The following MX2 variants were observed in gnomAD, a reference collection of about 807,000 sequenced individuals.
MX2 encodes the protein interferon-induced GTP-binding protein Mx2.
In MX2, 51 loss-of-function variants were observed where a neutral mutation model predicts 74.0. The ratio of observed to expected loss-of-function variants is 0.69; its 90% CI spans 0.55 to 0.87. The LOEUF (loss-of-function observed/expected upper bound fraction) is 0.87, where lower values mean the gene tolerates loss of function less well. Ranked by LOEUF, MX2 falls within the 40% of genes least tolerant of loss-of-function variation. MX2 has a pLI of 0.00. For missense variants in MX2, 832 were observed against 908.7 expected, an observed-to-expected ratio of 0.92 and a Z score of 1.09; for synonymous variants, 369 against 339.3, an observed-to-expected ratio of 1.09 and a Z score of -0.96.
At chr21:41,390,783 A>G in intron 6 of MX2, 80 bp downstream of exon 6, 1 of 1,494,948 alleles carries the variant, frequency 6.7e-7, no homozygotes, top group Non-Finnish European at 9.2e-7. Context: ...AGACGGGCGG[A>G]TCACGAGGTC....
Position 41,368,251 on chromosome 21 carries a change from G to A in MX2, c.-72+6196G>A, listed in dbSNP as rs1601389349. On this transcript the variant is annotated intron_variant, in intron 1 of 13. Coordinates refer to ENST00000330714, the MANE Select transcript of MX2 (RefSeq NM_002463.2). This position sits in a 1 kb window ranked among gnomAD's most constrained non-coding sequence, Gnocchi z 4.6. ...TCCATGTGTCACCCGGCTCTTCCGTGTCGTCTCCGTGAGCCTGCAGGGGCA... is the reference window on the plus strand; with the variant it reads ...TCCATGTGTCACCCGGCTCTTCCGTATCGTCTCCGTGAGCCTGCAGGGGCA... 1.3e-5 allele frequency among the ~76,000 whole-genome samples: 2 copies of A among 152,108 alleles called. No homozygotes were observed. The highest frequency in any genetic ancestry group is 6.5e-5 in the Admixed American group (1 of 15,272).
chr21:41,401,888 A>G, intron 10 of MX2, 82 bp from the exon 11 acceptor site: 6 of 1,494,730 alleles, frequency 4.0e-6, no homozygotes, highest in African/African-American at 1.4e-5. Flanking sequence ...AGTGGGGAGC[A>G]AGACTTTATA....
chr21:41,375,580 C>CT (rs1206731686), intron 1 of MX2, among the ~76,000 whole-genome samples: 1 of 152,256 alleles, frequency 6.6e-6, no homozygotes, highest in Admixed American at 6.5e-5. Flanking sequence ...GTCTCTGCCT[C>CT]TGTCTTCACA....
At chr21:41,392,299 C>T (rs1311225963) in intron 6 of MX2, among the ~76,000 whole-genome samples, 1 of 152,158 alleles carries the variant, frequency 6.6e-6, no homozygotes, top group African/African-American at 2.4e-5. Context: ...ATAAATAAAA[C>T]GTGGCATATA....
rs1181045996 is a variant in MX2 at position 41,363,210 on chromosome 21, A to T, written c.-72+1155A>T. 1.3e-5 allele frequency: 2 copies of T among 151,878 alleles called. No individual in the cohort carries two copies. The highest frequency in any genetic ancestry group is 2.9e-5 in the Non-Finnish European group (2 of 67,972). The allele number at this position is 151,878 out of a possible 1,614,324, so 9.4% of individuals were successfully genotyped here. ...CTTCCCAGCCCCGCGCCAACCCCTG[A>T]AGCACTTTTGACTCCCTTCGGATGT... On this transcript the variant is annotated intron_variant, in intron 1 of 13. Coordinates refer to ENST00000330714, the MANE Select transcript of MX2 (RefSeq NM_002463.2). This position sits in a 1 kb window ranked among gnomAD's most constrained non-coding sequence, Gnocchi z 4.2.
At chr21:41,383,791 A>G (rs1050912798) in intron 5 of MX2, among the ~76,000 whole-genome samples, 8 of 152,204 alleles carry the variant, frequency 5.3e-5, no homozygotes, top group Non-Finnish European at 7.3e-5. Flanking sequence ...GAGCAGGGAA[A>G]TTAGCTCGTA....
rs541749025 is a variant in MX2 at position 41,402,250 on chromosome 21, T to C, written c.1573+122T>C. The C allele has an allele frequency of 5.2e-6, 6 of 1,151,724 alleles. No homozygotes were observed. The Admixed American group carries it at 1.7e-4, about 32-fold the overall frequency. 71.3% of individuals were successfully genotyped at this position (1,151,724 alleles called of 1,614,324 possible). On this transcript the variant is annotated intron_variant, in intron 11 of 13. Coordinates refer to ENST00000330714, the MANE Select transcript of MX2 (RefSeq NM_002463.2). The surrounding 1 kb of genome is among the most constrained non-coding windows in gnomAD (Gnocchi z 4.5). ...CAGCCTGCAGACACGCTCACTGGTG[T>C]GCTAGATTGCTACTCTGTGTGGTCT...
intron 10 of MX2, chr21:41,401,685 G>GT (rs5844074): frequency 0.76 from 145,739 of 190,738 alleles, 53,722 homozygotes; most frequent in Admixed American, 0.84. Context: ...TTCTAATCAG[G>GT]TTTTTTTTTT....
In MX2 at chr21:41,380,235, C is replaced by A; in HGVS notation, c.577+84C>A. On this transcript the variant is annotated intron_variant, in intron 4 of 13. Coordinates refer to ENST00000330714, the MANE Select transcript of MX2 (RefSeq NM_002463.2). This position sits in a 1 kb window ranked among gnomAD's most constrained non-coding sequence, Gnocchi z 4.3. ...TCCTTCTCCTCTTCCTCAAGTCACCCCCACAGTGACCACTCAGCTCCTAGC... is the reference window on the plus strand; with the variant it reads ...TCCTTCTCCTCTTCCTCAAGTCACCACCACAGTGACCACTCAGCTCCTAGC... 1 of 1,564,554 alleles carries A rather than the reference C, an allele frequency of 6.4e-7. No homozygotes were observed. Among genetic ancestry groups the A allele is most frequent in the Non-Finnish European group, 8.7e-7 (1 of 1,149,064 alleles).
At chr21:41,391,789 CTTT>C (rs80000028) in intron 6 of MX2, among the ~76,000 whole-genome samples, 4 of 141,652 alleles carry the variant, frequency 2.8e-5, no homozygotes, top group Admixed American at 7.0e-5. Context: ...TTTTCTTTTT[CTTT>C]TTTTTTTTTT....
chr21:41,396,187 C>T (rs1374447621), intron 7 of MX2, among the ~76,000 whole-genome samples: 3 of 152,192 alleles, frequency 2.0e-5, no homozygotes, highest in African/African-American at 7.2e-5. Context: ...TTCCAGAAAC[C>T]CGTGTGTACC....
chr21:41,370,788 T>A (rs1269636663), intron 1 of MX2: 2 of 152,210 alleles, frequency 1.3e-5, no homozygotes, highest in Non-Finnish European at 2.9e-5. Flanking sequence ...TAGGAGTGAT[T>A]ATGGCAGCCT....
intron 6 of MX2, among the ~76,000 whole-genome samples, 176 bp from the exon 7 acceptor site, chr21:41,395,411 C>T (rs1398881384): frequency 1.3e-5 from 2 of 151,962 alleles, no homozygotes; most frequent in African/African-American, 2.4e-5. Context: ...AGATAGCGAG[C>T]CAATAGAAAT....
chr21:41,405,240 CAAAG>C (rs974104323), intron 12 of MX2, among the ~76,000 whole-genome samples: 1 of 147,542 alleles, frequency 6.8e-6, no homozygotes, highest in African/African-American at 2.5e-5. Flanking sequence ...GCCTGGGTAA[CAAAG>C]AGAGACTCCA....
chr21:41,386,240 A>C lies in MX2; in HGVS notation c.732+3676A>C, dbSNP rs1003837763. Among the ~76,000 whole-genome samples, 542 of 150,878 alleles carry C rather than the reference A, an allele frequency of 3.6e-3. 10 individuals carry two copies. The highest frequency in any genetic ancestry group is 0.012 in the African/African-American group (496 of 41,108). On this transcript the variant is annotated intron_variant, in intron 5 of 13. Transcript: ENST00000330714. ...ATCTCAAAAAAAAAAAAAAAAAAAA[A>C]AAAAAAAAACAAATCTGCAAAGCAC... is the stretch of plus-strand genomic sequence containing the variant.
Position 41,366,622 on chromosome 21 carries a change from A to T in MX2, c.-72+4567A>T, listed in dbSNP as rs1398686663. The T allele has an allele frequency of 6.6e-6, 1 of 152,252 alleles. No individual in the cohort carries two copies. The highest frequency in any genetic ancestry group is 1.5e-5 in the Non-Finnish European group (1 of 68,076). The allele number at this position is 152,252 out of a possible 1,614,324, so 9.4% of individuals were successfully genotyped here. On this transcript the variant is annotated intron_variant, in intron 1 of 13. Coordinates refer to ENST00000330714, the MANE Select transcript of MX2 (RefSeq NM_002463.2). The surrounding 1 kb of genome is among the most constrained non-coding windows in gnomAD (Gnocchi z 4.5). ...CTTTGGGTCCTGCCATTGAAAGGGA[A>T]GAAGAGAAGTCCCTTCCCTGGGAGA...
intron 3 of MX2, among the ~76,000 whole-genome samples, chr21:41,378,353 A>ATT (rs1295421403): frequency 9.0e-5 from 13 of 145,056 alleles, no homozygotes; most frequent in African/African-American, 2.8e-4. Flanking sequence ...GGGCCCTAGG[A>ATT]GGGCAGCTTC....
At position 41,399,327 on chromosome 21, in the gene MX2, T is replaced by C; in HGVS notation, c.1404T>C (p.Asn468=). The change falls in exon 10 of 14, where the codon AAT becomes AAC. Residue 468 remains asparagine, a synonymous_variant. Coordinates refer to ENST00000330714, the MANE Select transcript of MX2 (RefSeq NM_002463.2). ...FKNWVGILAT[N]TQKVKNIIHE... is the part of the protein sequence containing the mutation. ...ACTGGGTAGGCATACTTGCAACTAA[T>C]ACCCAAAAAGGTAAGTTCTGGGCAG... is the stretch of plus-strand genomic sequence containing the variant. The C allele has an allele frequency of 6.2e-7, 1 of 1,613,762 alleles. No homozygotes were observed. Among genetic ancestry groups the C allele is most frequent in the Non-Finnish European group, 8.5e-7 (1 of 1,179,892 alleles).
At chr21:41,362,529 A>G (rs7278743) in intron 1 of MX2, among the ~76,000 whole-genome samples, 6,682 of 151,742 alleles carry the variant, frequency 0.044, 362 homozygotes, top group African/African-American at 0.13. Context: ...GGGGCGGGGC[A>G]GGGCAGAGGG....
Sources: allele counts gnomAD v4.1 joint callset (sites outside exome capture counted in the v4.1 genomes callset), GRCh38; gene constraint gnomAD v4.1.1; non-coding constraint Gnocchi (gnomAD v3.1); transcripts MANE v1.5; gene names NCBI Gene and HGNC (gene_info 2026-07-23, HGNC 2026-07-21).